KCNMA1: variants seen among roughly 807,000 people sequenced by gnomAD.
KCNMA1 encodes Calcium-activated potassium channel subunit alpha-1.
A neutral mutation model predicts 140.0 loss-of-function variants in KCNMA1; 29 were observed. The observed-to-expected ratio is 0.21, with a 90% CI of 0.15 to 0.28. KCNMA1 has a LOEUF of 0.28. Among genes scored for constraint, KCNMA1 ranks in the 10% least tolerant of loss-of-function variants. The pLI, the probability that KCNMA1 is intolerant of heterozygous loss-of-function variation, is 1.00. For synonymous variants in KCNMA1, 612 were observed against 611.9 expected, an observed-to-expected ratio of 1.00 and a Z score of 0.00; for missense variants, 880 against 1,602.2, an observed-to-expected ratio of 0.55 and a Z score of 7.70.
intron 2 of KCNMA1, among the ~76,000 whole-genome samples, chr10:77,258,912 G>C (rs1204637160): frequency 6.6e-6 from 1 of 152,082 alleles, no homozygotes; most frequent in Non-Finnish European, 1.5e-5. Flanking sequence ...TCAGCAAGCC[G>C]AGATAACGCC....
chr10:77,260,332 T>A (rs1205108351), intron 2 of KCNMA1, among the ~76,000 whole-genome samples: 1 of 151,964 alleles, frequency 6.6e-6, no homozygotes, highest in Non-Finnish European at 1.5e-5. Flanking sequence ...AGGAAGGATT[T>A]GGTCGGATGG....
chr10:77,374,057 A>T (rs1292617660), intron 2 of KCNMA1, among the ~76,000 whole-genome samples: 1 of 152,158 alleles, frequency 6.6e-6, no homozygotes, highest in African/African-American at 2.4e-5. Context: ...CTGATTGAGA[A>T]TCTTAAGTTT....
chr10:77,050,669 A>G (rs562108008), intron 14 of KCNMA1, among the ~76,000 whole-genome samples: 1 of 152,346 alleles, frequency 6.6e-6, no homozygotes, highest in African/African-American at 2.4e-5. Context: ...AAGCTCGCAG[A>G]TGACACTGAT....
intron 1 of KCNMA1, among the ~76,000 whole-genome samples, chr10:77,577,038 A>G: frequency 6.6e-6 from 1 of 152,188 alleles, no homozygotes; most frequent in East Asian, 1.9e-4. Context: ...GATGTGAAGT[A>G]GCATGCCAAA....
At chr10:77,379,629 T>C (rs1481407611) in intron 2 of KCNMA1, among the ~76,000 whole-genome samples, 1 of 151,714 alleles carries the variant, frequency 6.6e-6, no homozygotes, top group Non-Finnish European at 1.5e-5. Flanking sequence ...AAAGAGAAAC[T>C]TTCTTAAAGG....
chr10:77,043,540 C>T (rs2094855182), intron 14 of KCNMA1, among the ~76,000 whole-genome samples: 1 of 152,174 alleles, frequency 6.6e-6, no homozygotes, highest in Admixed American at 6.5e-5. Context: ...GATATTTGTA[C>T]ACTCATGCTC....
At chr10:77,304,605 G>A (rs1426333471) in intron 2 of KCNMA1, 1 of 152,156 alleles carries the variant, frequency 6.6e-6, no homozygotes, top group Non-Finnish European at 1.5e-5. Context: ...GGGAAAAAAT[G>A]GCAAAAAATA....
chr10:77,495,974 G>C (rs1035936489), intron 1 of KCNMA1, among the ~76,000 whole-genome samples: 8 of 152,154 alleles, frequency 5.3e-5, no homozygotes, highest in African/African-American at 1.9e-4. Context: ...GGCAGGCTGA[G>C]CCCCTCTGCC....
rs149688753 is a variant in KCNMA1, at chr10:77,485,932, C to G, written c.379-81909G>C. ...TGAAACACACTAGAATGTTTGGTCA[C>G]CCTAGCTGTGGACCAGGTACCGGGC... On this transcript the variant is annotated intron_variant, in intron 1 of 27. Coordinates refer to ENST00000286628, the MANE Select transcript of KCNMA1 (RefSeq NM_001161352.2). Among the ~76,000 whole-genome samples, 351 of 152,160 alleles carry G rather than the reference C, an allele frequency of 2.3e-3. 6 individuals carry two copies. The South Asian group carries it at 0.026, about 11-fold the overall frequency.
intron 2 of KCNMA1, among the ~76,000 whole-genome samples, chr10:77,298,296 G>A (rs182471954): frequency 2.8e-4 from 42 of 152,286 alleles, no homozygotes; most frequent in Non-Finnish European, 5.4e-4. Flanking sequence ...AGGCTGGAGT[G>A]CAGTGGTGTG....
At chr10:77,591,660 C>T (rs1041290079) in intron 1 of KCNMA1, among the ~76,000 whole-genome samples, 3 of 152,188 alleles carry the variant, frequency 2.0e-5, no homozygotes, top group Non-Finnish European at 4.4e-5. Flanking sequence ...AGATTCTAAA[C>T]CACTAACTGG....
At chr10:77,571,653 G>A (rs946945221) in intron 1 of KCNMA1, among the ~76,000 whole-genome samples, 5 of 152,148 alleles carry the variant, frequency 3.3e-5, no homozygotes, top group Admixed American at 2.0e-4. Flanking sequence ...GCTTCAGACA[G>A]AAATCTCATT....
chr10:77,135,317 G>T (rs949064772), intron 5 of KCNMA1, among the ~76,000 whole-genome samples: 2 of 152,118 alleles, frequency 1.3e-5, no homozygotes, highest in African/African-American at 4.8e-5. Context: ...CTGTTAGAAG[G>T]GTTATTATCG....
At chr10:77,268,659 G>GC (rs1027908748) in intron 2 of KCNMA1, among the ~76,000 whole-genome samples, 1 of 152,096 alleles carries the variant, frequency 6.6e-6, no homozygotes, top group African/African-American at 2.4e-5. Flanking sequence ...GAGTAAACCA[G>GC]CCTCTGATCC....
At chr10:77,165,352 G>A (rs965608479) in intron 5 of KCNMA1, among the ~76,000 whole-genome samples, 5 of 152,272 alleles carry the variant, frequency 3.3e-5, no homozygotes, top group South Asian at 2.1e-4. Context: ...ATGACTAGAC[G>A]CAAGTTTATT....
chr10:76,922,622 G>C (rs1450121154), intron 23 of KCNMA1, among the ~76,000 whole-genome samples: 16 of 152,162 alleles, frequency 1.1e-4, no homozygotes, highest in Admixed American at 1.0e-3. Flanking sequence ...CTGCAGGTGT[G>C]GGGCTACTGG....
intron 1 of KCNMA1, among the ~76,000 whole-genome samples, chr10:77,488,759 TCTGGAAACCAGTAGAAGTGCAGAGGA>T (rs1244442862): frequency 5.0e-4 from 76 of 152,320 alleles, no homozygotes; most frequent in African/African-American, 1.6e-3. Context: ...AGCCATGTTC[TCTGGAAACCAGTAGAAGTGCAGAGGA>T]CACTCTGTTC....
intron 18 of KCNMA1, 129 bp downstream of exon 18, chr10:77,011,838 G>A (rs185541516): frequency 4.0e-4 from 331 of 827,432 alleles, no homozygotes; most frequent in Non-Finnish European, 5.9e-4. Context: ...TTAAACTGCT[G>A]GGTGAAACAT....
intron 20 of KCNMA1, 83 bp from the exon 21 acceptor site, chr10:76,954,007 G>A: frequency 6.9e-7 from 1 of 1,439,322 alleles, no homozygotes; most frequent in East Asian, 2.4e-5. Flanking sequence ...ACATCTCAGA[G>A]GATGTGAAAG....
Sources: gnomAD v4.1 joint callset for allele counts (sites outside exome capture counted in the v4.1 genomes callset) on GRCh38, gnomAD v4.1.1 for gene constraint, MANE v1.5 for transcripts, NCBI Gene and HGNC (gene_info 2026-07-23, HGNC 2026-07-21) for gene names.